Variants in SULT2B1 observed in about 807,000 individuals in gnomAD.
SULT2B1 encodes the protein sulfotransferase family 2B member 1.
SULT2B1 carries 16 observed loss-of-function variants against 33.2 expected under a neutral mutation model. That is an observed-to-expected ratio of 0.48 (90% CI 0.33 to 0.73). The LOEUF (loss-of-function observed/expected upper bound fraction) is 0.73, where lower values mean the gene tolerates loss of function less well. Ranked by LOEUF, SULT2B1 falls within the 30% of genes least tolerant of loss-of-function variation. The probability of loss-of-function intolerance (pLI) is 0.02; values close to 1 mark genes in which losing one functional copy is unlikely to be tolerated. For missense variants in SULT2B1, 500 were observed against 506.0 expected (o/e 0.99, Z 0.11); for synonymous variants, 186 against 200.5 (o/e 0.93, Z 0.61).
At chr19:48,589,542 G>T (rs561698591) in intron 3 of SULT2B1, among the ~76,000 whole-genome samples, 12 of 152,244 alleles carry the variant, frequency 7.9e-5, no homozygotes, top group African/African-American at 2.6e-4. Context: ...GAGCAGAGAG[G>T]GGGGGCTGCA....
In SULT2B1 at chr19:48,566,702, C is replaced by T. The variant is rs369284150; in HGVS notation, c.72-9239C>T. 1.1e-4 allele frequency among the ~76,000 whole-genome samples: 17 copies of T among 152,044 alleles called. No homozygotes were observed. The East Asian group carries it at 1.4e-3, about 12-fold the overall frequency. On this transcript the variant is annotated intron_variant, in intron 1 of 6. Transcript: ENST00000201586. ...ACTAAAATATAAAAAATTAGCTGGG[C>T]GTGGCAGTGTGCTCCTGTAATCCCA... is the stretch of plus-strand genomic sequence containing the variant.
intron 6 of SULT2B1, among the ~76,000 whole-genome samples, chr19:48,597,839 T>TA (rs1973741459): frequency 2.0e-5 from 3 of 151,300 alleles, no homozygotes; most frequent in Non-Finnish European, 4.4e-5. Context: ...GAGACAGGTT[T>TA]TCACCGTGTT....
chr19:48,598,662 A>G (rs753123864), intron 6 of SULT2B1, among the ~76,000 whole-genome samples: 1 of 152,130 alleles, frequency 6.6e-6, no homozygotes, highest in Non-Finnish European at 1.5e-5. Flanking sequence ...AATTGTTTGC[A>G]AGCCCTGAGC....
intron 4 of SULT2B1, among the ~76,000 whole-genome samples, chr19:48,592,068 C>T (rs906560179): frequency 2.6e-5 from 4 of 151,870 alleles, no homozygotes; most frequent in African/African-American, 4.8e-5. Flanking sequence ...CTGAGGCAGG[C>T]GGATCACAAG....
intron 5 of SULT2B1, among the ~76,000 whole-genome samples, chr19:48,595,512 G>T (rs1158053092): frequency 6.6e-6 from 1 of 152,118 alleles, no homozygotes; most frequent in African/African-American, 2.4e-5. Context: ...GGTGATATTT[G>T]AGCTGCAGCC....
chr19:48,561,301 G>A (rs1473661391), intron 1 of SULT2B1, among the ~76,000 whole-genome samples: 2 of 151,780 alleles, frequency 1.3e-5, no homozygotes, highest in Non-Finnish European at 2.9e-5. Flanking sequence ...GGTGGCACAT[G>A]CCTGTAATCC....
At position 48,591,740 on chromosome 19, in the gene SULT2B1, G is replaced by T; in HGVS notation, c.550+5G>T. On this transcript the variant is annotated splice_donor_5th_base_variant and intron_variant, in intron 4 of 6. Coordinates refer to ENST00000201586, the MANE Select transcript of SULT2B1 (RefSeq NM_177973.2). ...GGGACTTCCTCAAAGGCGAAGGTGG[G>T]GACAGGGTAAAGCGGGGCAGGAGGG... is the stretch of plus-strand genomic sequence containing the variant. 1 of 1,583,160 alleles carries T rather than the reference G, an allele frequency of 6.3e-7. No homozygotes were observed.
At chr19:48,574,451 G>T (rs540416736) in intron 1 of SULT2B1, among the ~76,000 whole-genome samples, 7 of 152,292 alleles carry the variant, frequency 4.6e-5, no homozygotes, top group African/African-American at 1.4e-4. Context: ...TTCCTTCAGG[G>T]CCTCTCCAAG....
chr19:48,597,926 G>A (rs998219828), intron 6 of SULT2B1, among the ~76,000 whole-genome samples: 4 of 152,008 alleles, frequency 2.6e-5, no homozygotes, highest in Admixed American at 6.6e-5. Flanking sequence ...GAGCCACTGC[G>A]CCCGGCCAAG....
At chr19:48,578,805 G>A (rs1367006053) in intron 2 of SULT2B1, among the ~76,000 whole-genome samples, 2 of 152,044 alleles carry the variant, frequency 1.3e-5, no homozygotes, top group South Asian at 2.1e-4. Context: ...GGAACCGGGG[G>A]GTAGAGGTTG....
intron 1 of SULT2B1, among the ~76,000 whole-genome samples, chr19:48,574,853 C>A (rs1973382214): frequency 6.6e-6 from 1 of 152,116 alleles, no homozygotes; most frequent in South Asian, 2.1e-4. Context: ...ACTAAATTTG[C>A]CTGGTAACCG....
intron 2 of SULT2B1, among the ~76,000 whole-genome samples, chr19:48,586,908 C>T (rs10424430): frequency 0.19 from 28,914 of 151,814 alleles, 3,525 homozygotes; most frequent in African/African-American, 0.34. Flanking sequence ...GTCAGGAGTT[C>T]GAGACCAGCC....
intron 6 of SULT2B1, among the ~76,000 whole-genome samples, chr19:48,597,264 C>T (rs1304809088): frequency 2.0e-5 from 3 of 151,662 alleles, no homozygotes; most frequent in African/African-American, 2.4e-5. Flanking sequence ...GGGGCGCAGG[C>T]GGTAGCATAG....
chr19:48,570,884 G>T (rs549976912), intron 1 of SULT2B1, among the ~76,000 whole-genome samples: 2 of 150,958 alleles, frequency 1.3e-5, no homozygotes, highest in Admixed American at 1.3e-4. Context: ...CACCACGCCC[G>T]GCTAATTTTT....
intron 3 of SULT2B1, among the ~76,000 whole-genome samples, chr19:48,590,132 C>T (rs1023052683): frequency 6.6e-6 from 1 of 151,932 alleles, no homozygotes; most frequent in African/African-American, 2.4e-5. Context: ...GGATTACAGG[C>T]GCCCACCACC....
At position 48,557,886 on chromosome 19, in the gene SULT2B1, T is replaced by A. The variant is rs918508210; in HGVS notation, c.71+5563T>A. On this transcript the variant is annotated intron_variant, in intron 1 of 6. Transcript: ENST00000201586. ...GTGAGTCGAGATCGTGTCATTACAC[T>A]CCAGCCTGGGCAACAAGAGTGAAAC... Among the ~76,000 whole-genome samples, 19 of 152,016 alleles carry A rather than the reference T, an allele frequency of 1.2e-4. No homozygotes were observed. In the East Asian group the frequency reaches 3.5e-3, roughly 28 times the overall value.
In SULT2B1 at chr19:48,552,959, C is replaced by G. The variant is rs1348882125; in HGVS notation, c.71+636C>G. Among the ~76,000 whole-genome samples, 1 of 152,148 alleles carries G rather than the reference C, an allele frequency of 6.6e-6. No individual in the cohort carries two copies. The highest frequency in any genetic ancestry group is 6.5e-5 in the Admixed American group (1 of 15,270). ...TGCTTTCCAGATGGGGAAACTGAGG[C>G]TGGGAGGGAACGCGACATGACCGCA... On this transcript the variant is annotated intron_variant, in intron 1 of 6. Coordinates refer to ENST00000201586, the MANE Select transcript of SULT2B1 (RefSeq NM_177973.2). The surrounding 1 kb of genome is among the most constrained non-coding windows in gnomAD (Gnocchi z 4.8).
chr19:48,579,949 G>C (rs1006063334), intron 2 of SULT2B1, among the ~76,000 whole-genome samples: 1 of 151,478 alleles, frequency 6.6e-6, no homozygotes. Flanking sequence ...TTTGAGGCAG[G>C]GTCTCGATCT....
intron 1 of SULT2B1, among the ~76,000 whole-genome samples, chr19:48,569,377 T>TATATATA (rs1165449056): frequency 6.5e-5 from 1 of 15,496 alleles, no homozygotes; most frequent in Non-Finnish European, 1.4e-4. Flanking sequence ...TATATATATA[T>TATATATA]ATATATATAT....
Sources: gnomAD v4.1 joint callset for allele counts (sites outside exome capture counted in the v4.1 genomes callset) on GRCh38, gnomAD v4.1.1 for gene constraint, Gnocchi (gnomAD v3.1) non-coding constraint, MANE v1.5 for transcripts, NCBI Gene and HGNC (gene_info 2026-07-23, HGNC 2026-07-21) for gene names.